Variants in ANKHD1 observed in about 807,000 individuals in gnomAD.
The protein encoded by ANKHD1 is ankyrin repeat and KH domain-containing protein 1.
A neutral mutation model predicts 230.5 loss-of-function variants in ANKHD1; 31 were observed. The ratio of observed to expected loss-of-function variants is 0.13; its 90% CI spans 0.10 to 0.18. The LOEUF (loss-of-function observed/expected upper bound fraction) is 0.18. Ranked by LOEUF, ANKHD1 falls within the 10% of genes least tolerant of loss-of-function variation. ANKHD1 has a pLI of 1.00. For synonymous variants in ANKHD1, 1,074 were observed against 1,117.6 expected (o/e 0.96, Z 0.78); for missense variants, 2,256 against 3,071.3 (o/e 0.73, Z 6.27).
intron 33 of ANKHD1, 37 bp downstream of exon 33, chr5:140,539,120 TG>T (rs1173676765): frequency 7.0e-6 from 11 of 1,566,488 alleles, no homozygotes; most frequent in African/African-American, 2.7e-5. Context: ...TTTTTAGATT[TG>T]TCACATCATT....
In ANKHD1 at chr5:140,535,505, T is replaced by C; in HGVS notation, c.6994T>C (p.Ser2332Pro). Residue 2332 changes from serine (S) to proline (P), a missense_variant, in exon 30 of 34, where the codon TCT (serine) becomes CCT (proline). By Grantham distance (74) the Ser-to-Pro change is moderately conservative. This residue lies in a region of ANKHD1 where 778 missense variants were observed against 966.5 expected (regional missense o/e 0.80). Coordinates refer to ENST00000360839, the MANE Select transcript of ANKHD1 (RefSeq NM_017747.3). ...GTPSFNRQHF[S>P]PHPWTSASNS... is the part of the protein sequence containing the mutation. Reference sequence around the variant, plus strand: ...TCCTAGTTTCAACAGACAACATTTTTCTCCCCATCCTTGGACAAGCGCCTC... The same window carrying C: ...TCCTAGTTTCAACAGACAACATTTTCCTCCCCATCCTTGGACAAGCGCCTC... The C allele has an allele frequency of 6.2e-7, 1 of 1,611,986 alleles. No homozygotes were observed. Among genetic ancestry groups the C allele is most frequent in the East Asian group, 2.2e-5 (1 of 44,842 alleles).
At position 140,509,769 on chromosome 5, in the gene ANKHD1, G is replaced by A. The variant is rs1373384070; in HGVS notation, c.3898G>A (p.Ala1300Thr). Residue 1300 changes from alanine to threonine, a missense_variant, in exon 21 of 34, where the codon GCA becomes ACA. Physicochemically the swap from Ala to Thr is moderately conservative, Grantham distance 58. This residue lies in a region of ANKHD1 where 195 missense variants were observed against 340.3 expected (regional missense o/e 0.57). Transcript: ENST00000360839. ...SSRDTALTIAADKGHYKFCEL... is the reference protein window; with the variant it reads ...SSRDTALTIATDKGHYKFCEL... ...AAGAGATACTGCTTTAACAATAGCA[G>A]CAGACAAAGGTCACTACAAATTTTG... The A allele has an allele frequency of 6.2e-7, 1 of 1,612,340 alleles. No homozygotes were observed.
At position 140,453,842 on chromosome 5, in the gene ANKHD1, G is replaced by C. The variant is rs1774945946; in HGVS notation, c.1242+4537G>C. 4.6e-5 allele frequency among the ~76,000 whole-genome samples: 7 copies of C among 152,194 alleles called. No homozygotes were observed. In the South Asian group the frequency reaches 1.4e-3, roughly 32 times the overall value. Reference sequence around the variant, plus strand: ...ATAACCAGCTAACGTCAAAATGACAGGATCAAATTCACACATAACAATATT... The same window carrying C: ...ATAACCAGCTAACGTCAAAATGACACGATCAAATTCACACATAACAATATT... On this transcript the variant is annotated intron_variant, in intron 7 of 33. Transcript: ENST00000360839.
In ANKHD1 at chr5:140,485,470, T is replaced by C; in HGVS notation, c.1999-119T>C. 1 of 1,374,252 alleles carries C rather than the reference T, an allele frequency of 7.3e-7. No individual in the cohort carries two copies. Among genetic ancestry groups the C allele is most frequent in the Non-Finnish European group, 9.7e-7 (1 of 1,033,940 alleles). 85.1% of individuals were successfully genotyped at this position (1,374,252 alleles called of 1,614,324 possible). Reference sequence around the variant, plus strand: ...TATATAAATAATATGTGTATAGTTATAAAAATATGTTTGATCTATCTTAGT... The same window carrying C: ...TATATAAATAATATGTGTATAGTTACAAAAATATGTTTGATCTATCTTAGT... On this transcript the variant is annotated intron_variant, in intron 12 of 33. Transcript: ENST00000360839. The surrounding 1 kb of genome is among the most constrained non-coding windows in gnomAD (Gnocchi z 4.8).
At chr5:140,427,656 C>G (rs1236863689) in intron 1 of ANKHD1, among the ~76,000 whole-genome samples, 4 of 147,598 alleles carry the variant, frequency 2.7e-5, no homozygotes, top group African/African-American at 7.5e-5. Flanking sequence ...GCTGACCCCC[C>G]CACCTCCCTC....
intron 7 of ANKHD1, among the ~76,000 whole-genome samples, chr5:140,457,250 TTGG>T (rs1775266589): frequency 6.6e-6 from 1 of 152,230 alleles, no homozygotes; most frequent in Admixed American, 6.5e-5. Flanking sequence ...TTTTACACTG[TTGG>T]TGGTACTGTT....
At chr5:140,451,897 A>C (rs1774765215) in intron 7 of ANKHD1, among the ~76,000 whole-genome samples, 1 of 152,156 alleles carries the variant, frequency 6.6e-6, no homozygotes, top group South Asian at 2.1e-4. Context: ...TTTGAAATAC[A>C]GTACAATATA....
chr5:140,456,981 A>T (rs1388541042), intron 7 of ANKHD1, among the ~76,000 whole-genome samples: 2 of 152,246 alleles, frequency 1.3e-5, no homozygotes, highest in Non-Finnish European at 2.9e-5. Context: ...GAATATCCAG[A>T]ATCTACAATG....
Position 140,507,206 on chromosome 5 carries a change from A to G in ANKHD1, c.3551+229A>G, listed in dbSNP as rs942820468. Reference sequence around the variant, plus strand: ...CAAAAAGTGTTTTGTTCTATGGCCTACCACCCTAAACGTGCCCAATCTCAT... The same window carrying G: ...CAAAAAGTGTTTTGTTCTATGGCCTGCCACCCTAAACGTGCCCAATCTCAT... On this transcript the variant is annotated intron_variant, in intron 19 of 33. Coordinates refer to ENST00000360839, the MANE Select transcript of ANKHD1 (RefSeq NM_017747.3). This position sits in a 1 kb window ranked among gnomAD's most constrained non-coding sequence, Gnocchi z 4.1. 3.9e-5 allele frequency among the ~76,000 whole-genome samples: 6 copies of G among 152,198 alleles called. No homozygotes were observed. Among genetic ancestry groups the G allele is most frequent in the South Asian group, 4.1e-4 (2 of 4,832 alleles).
chr5:140,528,619 C>G lies in ANKHD1; in HGVS notation c.5673C>G (p.Phe1891Leu), dbSNP rs1366720918. Residue 1891 changes from phenylalanine (F) to leucine (L), a missense_variant, in exon 29 of 34, where the codon TTC becomes TTG. Physicochemically the swap from Phe to Leu is conservative, Grantham distance 22 (BLOSUM62 0). Coordinates refer to ENST00000360839, the MANE Select transcript of ANKHD1 (RefSeq NM_017747.3). ...CTTCTCCTAACACATGGGGACCATT[C>G]CCAGTGAGACCTGTGAATCCTGGCA... ...FSPSPNTWGPFPVRPVNPGNT... is the reference protein window; with the variant it reads ...FSPSPNTWGPLPVRPVNPGNT... 12 of 1,614,166 alleles carry G rather than the reference C, an allele frequency of 7.4e-6. No homozygotes were observed. Among genetic ancestry groups the G allele is most frequent in the Non-Finnish European group, 1.0e-5 (12 of 1,180,040 alleles).
At chr5:140,519,564 T>C (rs1287430387) in intron 24 of ANKHD1, among the ~76,000 whole-genome samples, 1 of 152,200 alleles carries the variant, frequency 6.6e-6, no homozygotes, top group Non-Finnish European at 1.5e-5. Context: ...AGAATGTTAC[T>C]GGTACCAAAA....
At position 140,455,824 on chromosome 5, in the gene ANKHD1, T is replaced by C. The variant is rs190071304; in HGVS notation, c.1243-2801T>C. On this transcript the variant is annotated intron_variant, in intron 7 of 33. Coordinates refer to ENST00000360839, the MANE Select transcript of ANKHD1 (RefSeq NM_017747.3). Reference sequence around the variant, plus strand: ...TGGCACAAGACAGGCATGCCGTCTCTCACCACTCCTATTCAACATAGTGTT... The same window carrying C: ...TGGCACAAGACAGGCATGCCGTCTCCCACCACTCCTATTCAACATAGTGTT... 4.6e-4 allele frequency among the ~76,000 whole-genome samples: 70 copies of C among 152,300 alleles called. 1 individual carries two copies. The highest frequency in any genetic ancestry group is 6.8e-3 in the Middle Eastern group (2 of 294).
intron 24 of ANKHD1, among the ~76,000 whole-genome samples, chr5:140,521,578 C>T (rs1324986344): frequency 6.6e-6 from 1 of 152,152 alleles, no homozygotes; most frequent in Admixed American, 6.5e-5. Flanking sequence ...TTGTAAAGAT[C>T]CATGATAGCT....
intron 5 of ANKHD1, among the ~76,000 whole-genome samples, chr5:140,443,773 A>G (rs749668710): frequency 7.7e-4 from 118 of 152,262 alleles, no homozygotes; most frequent in Admixed American, 2.8e-3. Context: ...GTGATCATCA[A>G]ATTCAGTGGT....
At chr5:140,422,906 T>C (rs989559566) in intron 1 of ANKHD1, among the ~76,000 whole-genome samples, 9 of 151,614 alleles carry the variant, frequency 5.9e-5, no homozygotes, top group Non-Finnish European at 1.3e-4. Context: ...GACAGGGTCT[T>C]GCTCTTTCGC....
intron 10 of ANKHD1, 64 bp downstream of exon 10, chr5:140,464,840 T>G: frequency 6.9e-7 from 1 of 1,439,278 alleles, no homozygotes; most frequent in South Asian, 1.4e-5. Flanking sequence ...ACTTAACATT[T>G]AGAAAACACT....
intron 7 of ANKHD1, among the ~76,000 whole-genome samples, chr5:140,456,389 G>C (rs1366641142): frequency 1.3e-5 from 2 of 152,126 alleles, no homozygotes; most frequent in African/African-American, 4.8e-5. Flanking sequence ...CCAAAAAAGA[G>C]CCCACATTGC....
intron 33 of ANKHD1, 35 bp from the exon 34 acceptor site, chr5:140,539,324 A>C: frequency 6.2e-7 from 1 of 1,611,932 alleles, no homozygotes; most frequent in Middle Eastern, 1.7e-4. Flanking sequence ...AAAGATTCCT[A>C]ATTAGAAATT....
chr5:140,485,939 T>G lies in ANKHD1; in HGVS notation c.2142+207T>G. On this transcript the variant is annotated intron_variant, in intron 13 of 33. Coordinates refer to ENST00000360839, the MANE Select transcript of ANKHD1 (RefSeq NM_017747.3). The surrounding 1 kb of genome is among the most constrained non-coding windows in gnomAD (Gnocchi z 4.8). The stretch of plus-strand genomic sequence containing the variant: ...GCCTTATTTATTGAGAATAGTGGTT[T>G]TTAAAAACCACTTAATATCAAATAT... The G allele has an allele frequency of 1.5e-6, 1 of 661,058 alleles. No individual in the cohort carries two copies. Among genetic ancestry groups the G allele is most frequent in the Non-Finnish European group, 2.3e-6 (1 of 427,286 alleles). The allele number at this position is 661,058 out of a possible 1,614,324, so 40.9% of individuals were successfully genotyped here.
Sources: gnomAD v4.1 joint callset for allele counts (sites outside exome capture counted in the v4.1 genomes callset) on GRCh38, gnomAD v4.1.1 for gene constraint, gnomAD v4.1.1 regional missense constraint, Gnocchi (gnomAD v3.1) non-coding constraint, MANE v1.5 for transcripts, NCBI Gene and HGNC (gene_info 2026-07-23, HGNC 2026-07-21) for gene names.